Variants in VIPR2 observed in about 807,000 individuals in gnomAD.
VIPR2 encodes vasoactive intestinal peptide receptor 2.
In VIPR2, 48 loss-of-function variants were observed where a neutral mutation model predicts 58.0. The observed-to-expected ratio is 0.83, with a 90% CI of 0.66 to 1.05. VIPR2 has a LOEUF of 1.05. Ranked by LOEUF, VIPR2 falls within the 50% of genes least tolerant of loss-of-function variation. VIPR2 has a pLI of 0.00. For missense variants in VIPR2, 534 were observed against 558.0 expected, an observed-to-expected ratio of 0.96 and a Z score of 0.43; for synonymous variants, 243 against 235.2, an observed-to-expected ratio of 1.03 and a Z score of -0.30.
chr7:159,077,307 T>C (rs552223188), intron 4 of VIPR2, among the ~76,000 whole-genome samples: 2 of 149,672 alleles, frequency 1.3e-5, no homozygotes, highest in Admixed American at 6.6e-5. Flanking sequence ...TGTTATCAGA[T>C]TCTAGCCCTG....
At position 159,029,892 on chromosome 7, in the gene VIPR2, C is replaced by T. The variant is rs1380965218; in HGVS notation, c.*724G>A. 1 of 152,434 alleles carries T rather than the reference C, an allele frequency of 6.6e-6. No homozygotes were observed. The highest frequency in any genetic ancestry group is 1.9e-4 in the East Asian group (1 of 5,168). The allele number at this position is 152,434 out of a possible 1,614,324, so 9.4% of individuals were successfully genotyped here. On this transcript the variant is annotated 3_prime_UTR_variant, in exon 13 of 13. Coordinates refer to ENST00000262178, the MANE Select transcript of VIPR2 (RefSeq NM_003382.5). ...TCCTGTTGATTTCTCCTGGTCCTAA[C>T]GTCAGGGGGGCCCTGACTGGCTTCC...
chr7:159,031,345 G>C lies in VIPR2; in HGVS notation c.1143+483C>G, dbSNP rs797005466. 3.9e-5 allele frequency: 32 copies of C among 818,944 alleles called. No individual in the cohort carries two copies. In the African/African-American group the frequency reaches 5.2e-4, roughly 13 times the overall value. 50.7% of individuals were successfully genotyped at this position (818,944 alleles called of 1,614,324 possible). On this transcript the variant is annotated intron_variant, in intron 12 of 12. Transcript: ENST00000262178. The surrounding 1 kb of genome is among the most constrained non-coding windows in gnomAD (Gnocchi z 4.0). Reference sequence around the variant, plus strand: ...GCGGGAGGGTCAGGGGTCAGGGGACGGGGCCAGGCCGTTGGAGCAGCCCGG... The same window carrying C: ...GCGGGAGGGTCAGGGGTCAGGGGACCGGGCCAGGCCGTTGGAGCAGCCCGG...
rs961547071 is a variant in VIPR2, at chr7:159,099,043, C to T, written c.357+4714G>A. ...CTTGCAGCCTCCAGAGCCGCCTGTG[C>T]TATGTGCTGTTGCTTCGTCTTGGAA... On this transcript the variant is annotated intron_variant, in intron 4 of 12. Transcript: ENST00000262178. This position sits in a 1 kb window ranked among gnomAD's most constrained non-coding sequence, Gnocchi z 4.2. Among the ~76,000 whole-genome samples, 2 of 152,226 alleles carry T rather than the reference C, an allele frequency of 1.3e-5. No homozygotes were observed. Among genetic ancestry groups the T allele is most frequent in the African/African-American group, 4.8e-5 (2 of 41,454 alleles).
chr7:159,138,797 C>A (rs986897340), intron 2 of VIPR2, among the ~76,000 whole-genome samples: 2 of 152,190 alleles, frequency 1.3e-5, no homozygotes, highest in Non-Finnish European at 2.9e-5. Context: ...AGAGACATTT[C>A]CCATTATATA....
At position 159,035,992 on chromosome 7, in the gene VIPR2, C is replaced by G. The variant is rs749694333; in HGVS notation, c.769G>C (p.Gly257Arg). ...IGWGLPTVCI[G>R]AWTAARLYLE... ...TAGAGCCTGGCCGCAGTCCATGCACCGATGCAGACGGTGGGGAGGCCTGCA... is the reference window on the plus strand; with the variant it reads ...TAGAGCCTGGCCGCAGTCCATGCACGGATGCAGACGGTGGGGAGGCCTGCA... The change falls in exon 8 of 13, where the codon GGT (glycine) becomes CGT (arginine). Residue 257 changes from glycine (G) to arginine (R), a missense_variant. By Grantham distance (125) the Gly-to-Arg change is moderately radical. Transcript: ENST00000262178. The G allele has an allele frequency of 1.2e-6, 2 of 1,613,346 alleles. No individual in the cohort carries two copies. Among genetic ancestry groups the G allele is most frequent in the Non-Finnish European group, 8.5e-7 (1 of 1,179,802 alleles).
intron 4 of VIPR2, among the ~76,000 whole-genome samples, chr7:159,073,218 T>C (rs1563298420): frequency 3.9e-5 from 6 of 152,160 alleles, no homozygotes. Context: ...TAATTTCACT[T>C]ACAAATACAA....
At chr7:159,135,163 C>CAG (rs1797164224) in intron 2 of VIPR2, among the ~76,000 whole-genome samples, 1 of 152,076 alleles carries the variant, frequency 6.6e-6, no homozygotes. Flanking sequence ...GGGCCGGCTA[C>CAG]AGGGGCTCGC....
chr7:159,037,974 A>G (rs1351903592), intron 6 of VIPR2, among the ~76,000 whole-genome samples: 1 of 152,224 alleles, frequency 6.6e-6, no homozygotes, highest in Non-Finnish European at 1.5e-5. Context: ...ATATACTTAC[A>G]TATGTATGGG....
intron 5 of VIPR2, among the ~76,000 whole-genome samples, chr7:159,044,925 C>G (rs145407864): frequency 2.1e-4 from 32 of 152,238 alleles, no homozygotes; most frequent in Non-Finnish European, 3.7e-4. Flanking sequence ...GCCACCATGA[C>G]CAGCTAATTT....
chr7:159,107,021 TG>T (rs1795775378), intron 3 of VIPR2, among the ~76,000 whole-genome samples: 1 of 151,896 alleles, frequency 6.6e-6, no homozygotes, highest in African/African-American at 2.4e-5. Context: ...AGAAAGGTTG[TG>T]GGGGGTGGGA....
At chr7:159,039,553 C>T (rs1854186860) in intron 6 of VIPR2, among the ~76,000 whole-genome samples, 1 of 152,202 alleles carries the variant, frequency 6.6e-6, no homozygotes, top group Non-Finnish European at 1.5e-5. Context: ...TTTATGCTGC[C>T]AGAATTCACA....
intron 3 of VIPR2, among the ~76,000 whole-genome samples, chr7:159,108,629 G>A (rs1444690843): frequency 2.0e-5 from 3 of 152,194 alleles, no homozygotes; most frequent in African/African-American, 7.2e-5. Context: ...TGACCTGGGC[G>A]CCTGGTGCCC....
chr7:159,123,434 G>A (rs1585544760), intron 2 of VIPR2, among the ~76,000 whole-genome samples: 3 of 150,930 alleles, frequency 2.0e-5, no homozygotes, highest in Middle Eastern at 3.4e-3. Context: ...GCATTAGTTT[G>A]TTAAGGAAAC....
At chr7:159,117,429 T>C in intron 2 of VIPR2, 1 of 717,206 alleles carries the variant, frequency 1.4e-6, no homozygotes, top group Non-Finnish European at 2.6e-6. Flanking sequence ...AGGATAACAG[T>C]GAGCACATGA....
intron 2 of VIPR2, among the ~76,000 whole-genome samples, chr7:159,110,493 C>T (rs1795954112): frequency 6.6e-6 from 1 of 152,164 alleles, no homozygotes; most frequent in South Asian, 2.1e-4. Flanking sequence ...AAAAATGTTG[C>T]ATTAATTATC....
intron 4 of VIPR2, among the ~76,000 whole-genome samples, chr7:159,094,070 G>T (rs774264140): frequency 9.2e-5 from 14 of 152,188 alleles, no homozygotes; most frequent in Non-Finnish European, 1.3e-4. Flanking sequence ...TCATTTAAGA[G>T]GCCCCAAGAG....
chr7:159,142,898 C>CG (rs1797532131), intron 1 of VIPR2, among the ~76,000 whole-genome samples: 1 of 152,220 alleles, frequency 6.6e-6, no homozygotes, highest in Non-Finnish European at 1.5e-5. Context: ...TTGGTTTAAG[C>CG]GGATGCCTGT....
intron 5 of VIPR2, among the ~76,000 whole-genome samples, chr7:159,054,153 A>G (rs906050373): frequency 1.9e-4 from 29 of 152,194 alleles, no homozygotes; most frequent in African/African-American, 6.8e-4. Context: ...ACAACGGGAT[A>G]CACACACTGA....
chr7:159,086,558 G>A (rs1419543346), intron 4 of VIPR2, among the ~76,000 whole-genome samples: 1 of 152,238 alleles, frequency 6.6e-6, no homozygotes, highest in Non-Finnish European at 1.5e-5. Context: ...TGTTCAGGAA[G>A]GTGAGAGACA....
Sources: allele counts gnomAD v4.1 joint callset (sites outside exome capture counted in the v4.1 genomes callset), GRCh38; gene constraint gnomAD v4.1.1; non-coding constraint Gnocchi (gnomAD v3.1); transcripts MANE v1.5; gene names NCBI Gene and HGNC (gene_info 2026-07-23, HGNC 2026-07-21).